The following SMG7 variants were observed in gnomAD, a reference collection of about 807,000 sequenced individuals.
SMG7 encodes nonsense-mediated mRNA decay factor SMG7.
Under a neutral mutation model 148.2 loss-of-function variants are expected in SMG7, and 34 were observed. The observed-to-expected ratio is 0.23, with a 90% CI of 0.17 to 0.31. The LOEUF is 0.31. Among genes scored for constraint, SMG7 ranks in the 10% least tolerant of loss-of-function variants. The pLI, the probability that SMG7 is intolerant of heterozygous loss-of-function variation, is 1.00. For synonymous variants in SMG7, 492 were observed against 515.1 expected (o/e 0.96, Z 0.61); for missense variants, 1,114 against 1,408.4 (o/e 0.79, Z 3.35).
In SMG7 at chr1:183,482,179, T is replaced by G. The variant is rs548231195; in HGVS notation, c.29+9530T>G. ...ACCAGTCACATTAGGCCATATAAAT[T>G]AGAGATTTTGATTAGTCCATATCTC... is the stretch of plus-strand genomic sequence containing the variant. On this transcript the variant is annotated intron_variant, in intron 1 of 22. Transcript: ENST00000688051. Among the ~76,000 whole-genome samples, 6 of 152,144 alleles carry G rather than the reference T, an allele frequency of 3.9e-5. No individual in the cohort carries two copies. In the East Asian group the frequency reaches 9.6e-4, roughly 24 times the overall value.
chr1:183,496,879 G>A (rs1299019703), intron 1 of SMG7, among the ~76,000 whole-genome samples: 1 of 152,228 alleles, frequency 6.6e-6, no homozygotes. Flanking sequence ...TTGTGAATTT[G>A]TGTTGGGCCG....
chr1:183,502,643 AT>A (rs1171684783), intron 1 of SMG7, among the ~76,000 whole-genome samples: 1 of 152,158 alleles, frequency 6.6e-6, no homozygotes, highest in Non-Finnish European at 1.5e-5. Flanking sequence ...ACTGAAGTAA[AT>A]TTTTAAAAAT....
intron 1 of SMG7, among the ~76,000 whole-genome samples, chr1:183,500,261 C>T (rs1659451417): frequency 6.6e-6 from 1 of 151,936 alleles, no homozygotes; most frequent in South Asian, 2.1e-4. Flanking sequence ...ATATAGATTC[C>T]ACTACGATGA....
intron 4 of SMG7, among the ~76,000 whole-genome samples, chr1:183,518,291 AC>A (rs900414254): frequency 6.6e-6 from 1 of 151,990 alleles, no homozygotes; most frequent in African/African-American, 2.4e-5. Flanking sequence ...AAAAAAAAAA[AC>A]GCTGTGCTTT....
At chr1:183,501,428 C>T (rs1353461643) in intron 1 of SMG7, among the ~76,000 whole-genome samples, 4 of 152,152 alleles carry the variant, frequency 2.6e-5, no homozygotes, top group African/African-American at 9.7e-5. Context: ...TTTATGATAT[C>T]ATGCATATAG....
At chr1:183,505,114 G>GA (rs552970372) in intron 1 of SMG7, among the ~76,000 whole-genome samples, 60 of 140,242 alleles carry the variant, frequency 4.3e-4, no homozygotes, top group African/African-American at 3.6e-4. Context: ...ATTGGGAGAA[G>GA]AAAAAAAAAA....
At position 183,546,329 on chromosome 1, in the gene SMG7, C is replaced by T. The variant is rs766290902; in HGVS notation, c.2734C>T (p.Pro912Ser). 32 of 1,607,764 alleles carry T rather than the reference C, an allele frequency of 2.0e-5. No homozygotes were observed. In the East Asian group the frequency reaches 6.7e-4, roughly 34 times the overall value. The change falls in exon 17 of 23, where the codon CCG (proline) becomes TCG (serine). Residue 912 changes from proline (P) to serine (S), a missense_variant. Around this residue, in one of 4 missense-constraint regions of SMG7, gnomAD observed 788 missense variants for 894.5 expected, o/e 0.88. Coordinates refer to ENST00000688051, the MANE Select transcript of SMG7 (RefSeq NM_001375584.1). ...AGAGCAGGATCCTGTACCCAGAATGCCGTTTGAGGTGTGTGTTCTTTCCTA... is the reference window on the plus strand; with the variant it reads ...AGAGCAGGATCCTGTACCCAGAATGTCGTTTGAGGTGTGTGTTCTTTCCTA... ...RPEQDPVPRMPFEDPKSSPLL... is the reference protein window; with the variant it reads ...RPEQDPVPRMSFEDPKSSPLL...
In SMG7 at chr1:183,546,982, A is replaced by G. The variant is rs1670035578; in HGVS notation, c.2743-121A>G. 3 of 943,496 alleles carry G rather than the reference A, an allele frequency of 3.2e-6. No individual in the cohort carries two copies. In the South Asian group the frequency reaches 5.6e-5, roughly 17 times the overall value. The allele number at this position is 943,496 out of a possible 1,614,324, so 58.4% of individuals were successfully genotyped here. On this transcript the variant is annotated intron_variant, in intron 17 of 22. Coordinates refer to ENST00000688051, the MANE Select transcript of SMG7 (RefSeq NM_001375584.1). The stretch of plus-strand genomic sequence containing the variant: ...TTCAGAGCGTTTTTTCTCTTTGCCT[A>G]ATACCATCTATCTCACTATCCCCTT...
At chr1:183,482,685 T>G (rs1654469330) in intron 1 of SMG7, among the ~76,000 whole-genome samples, 1 of 152,184 alleles carries the variant, frequency 6.6e-6, no homozygotes, top group South Asian at 2.1e-4. Context: ...TTAGCTATTG[T>G]TAGTCTCTCA....
intron 12 of SMG7, 136 bp downstream of exon 12, chr1:183,538,576 A>C: frequency 2.9e-6 from 2 of 682,450 alleles, no homozygotes; most frequent in Non-Finnish European, 5.3e-6. Flanking sequence ...ACTAATACTG[A>C]AAGTTGTTGT....
chr1:183,490,205 G>C (rs867939335), intron 1 of SMG7, among the ~76,000 whole-genome samples: 1 of 152,222 alleles, frequency 6.6e-6, no homozygotes, highest in South Asian at 2.1e-4. Context: ...TGCAAGTTTA[G>C]AGATGACTTA....
intron 1 of SMG7, among the ~76,000 whole-genome samples, chr1:183,511,533 G>A (rs937546964): frequency 6.6e-6 from 1 of 152,188 alleles, no homozygotes; most frequent in Non-Finnish European, 1.5e-5. Context: ...GTCCAGTCCA[G>A]AAGTCCAGAA....
chr1:183,472,854 T>G, intron 1 of SMG7: 2 of 414,500 alleles, frequency 4.8e-6, no homozygotes, highest in East Asian at 3.6e-5. Flanking sequence ...GGCTGAGCTC[T>G]GGCGAAGCCG....
chr1:183,546,108 C>T lies in SMG7; in HGVS notation c.2513C>T (p.Pro838Leu), dbSNP rs773503890. The T allele has an allele frequency of 1.2e-6, 2 of 1,613,856 alleles. No individual in the cohort carries two copies. Among genetic ancestry groups the T allele is most frequent in the East Asian group, 2.2e-5 (1 of 44,874 alleles). ...IKLFEPSLQP[P>L]VMQQQPLEKK... is the part of the protein sequence containing the mutation. ...CTGTTTGAGCCGTCATTGCAACCTC[C>T]TGTAATGCAGCAGCAGCCTCTAGAA... is the stretch of plus-strand genomic sequence containing the variant. Residue 838 changes from proline to leucine, a missense_variant, in exon 17 of 23, where the codon CCT (proline) becomes CTT (leucine). Around this residue, in one of 4 missense-constraint regions of SMG7, gnomAD observed 788 missense variants for 894.5 expected, o/e 0.88. Transcript: ENST00000688051.
At chr1:183,473,827 A>C in intron 1 of SMG7, 1 of 985,412 alleles carries the variant, frequency 1.0e-6, no homozygotes, top group Non-Finnish European at 1.2e-6. Context: ...AAATGAGTGG[A>C]AAAGTCACTT....
chr1:183,520,932 A>G (rs1372921946), intron 4 of SMG7, among the ~76,000 whole-genome samples: 1 of 152,054 alleles, frequency 6.6e-6, no homozygotes, highest in Non-Finnish European at 1.5e-5. Context: ...AAAACTTTTT[A>G]TAATAAGCAT....
At chr1:183,523,570 A>G (rs1033595539) in intron 4 of SMG7, among the ~76,000 whole-genome samples, 2 of 152,334 alleles carry the variant, frequency 1.3e-5, no homozygotes. Flanking sequence ...ATCAGGGTCA[A>G]CCTATATGAA....
At chr1:183,509,599 A>G (rs892787086) in intron 1 of SMG7, among the ~76,000 whole-genome samples, 1 of 152,168 alleles carries the variant, frequency 6.6e-6, no homozygotes, top group Non-Finnish European at 1.5e-5. Context: ...TAGCAAGGTT[A>G]CTTTTAAAAA....
chr1:183,512,700 A>C (rs1388655626), intron 1 of SMG7, 137 bp from the exon 2 acceptor site: 1 of 774,256 alleles, frequency 1.3e-6, no homozygotes, highest in African/African-American at 1.8e-5. Flanking sequence ...TGCTGTTTGC[A>C]GTGCCACAAA....
Sources: allele counts gnomAD v4.1 joint callset (sites outside exome capture counted in the v4.1 genomes callset), GRCh38; gene constraint gnomAD v4.1.1; regional missense constraint gnomAD v4.1.1; transcripts MANE v1.5; gene names NCBI Gene and HGNC (gene_info 2026-07-23, HGNC 2026-07-21).